VPS13B: variants seen among roughly 807,000 people sequenced by gnomAD.
VPS13B encodes intermembrane lipid transfer protein VPS13B.
In VPS13B, 285 loss-of-function variants were observed where a neutral mutation model predicts 426.4. The observed-to-expected ratio is 0.67, with a 90% CI of 0.61 to 0.74. The LOEUF (loss-of-function observed/expected upper bound fraction) is 0.74, where lower values mean the gene tolerates loss of function less well. VPS13B is among the 30% of genes least tolerant of loss of function. The probability of loss-of-function intolerance (pLI) is 0.00; values close to 1 mark genes in which losing one functional copy is unlikely to be tolerated. For synonymous variants in VPS13B, 1,676 were observed against 1,676.4 expected, an observed-to-expected ratio of 1.00 and a Z score of 0.01; for missense variants, 4,537 against 4,782.6, an observed-to-expected ratio of 0.95 and a Z score of 1.51.
At position 99,753,759 on chromosome 8, in the gene VPS13B, G is replaced by A. The variant is rs537145009; in HGVS notation, c.7051-13015G>A. 5.3e-5 allele frequency among the ~76,000 whole-genome samples: 8 copies of A among 152,242 alleles called. No individual in the cohort carries two copies. In the East Asian group the frequency reaches 1.4e-3, roughly 26 times the overall value. ...TAAAGTCTAAAAAGTATTTCTCAGG[G>A]CTCTTAAATTACCATATTCTGATAC... On this transcript the variant is annotated intron_variant, in intron 39 of 61. Transcript: ENST00000357162.
At chr8:99,712,598 T>G (rs186756897) in intron 36 of VPS13B, among the ~76,000 whole-genome samples, 156 of 152,246 alleles carry the variant, frequency 1.0e-3, no homozygotes, top group African/African-American at 3.6e-3. Context: ...TCTTTAGTGC[T>G]CACCTAAGTC....
chr8:99,380,871 T>A (rs1038579380), intron 19 of VPS13B, among the ~76,000 whole-genome samples: 5 of 151,426 alleles, frequency 3.3e-5, no homozygotes, highest in Admixed American at 3.3e-4. Context: ...AGATACTTTT[T>A]CTTTCTTTTT....
In VPS13B at chr8:99,170,129, C is replaced by A; in HGVS notation, c.2299C>A (p.Leu767Ile). Reference protein sequence around the residue: ...VPVIPSFSTALYGKLLKLPTC... With the variant: ...VPVIPSFSTAIYGKLLKLPTC... ...AGTTATTCCCTCTTTCAGCACTGCT[C>A]TTTATGGGAAACTTCTGAAACTCCC... Residue 767 changes from leucine to isoleucine, a missense_variant, in exon 16 of 62, where the codon CTT (leucine) becomes ATT (isoleucine). Physicochemically the swap from Leu to Ile is conservative, Grantham distance 5. Coordinates refer to ENST00000357162, the MANE Select transcript of VPS13B (RefSeq NM_152564.5). The A allele has an allele frequency of 6.2e-7, 1 of 1,612,852 alleles. No homozygotes were observed.
intron 55 of VPS13B, among the ~76,000 whole-genome samples, chr8:99,851,251 A>C (rs974853125): frequency 5.9e-5 from 9 of 152,206 alleles, no homozygotes; most frequent in African/African-American, 2.2e-4. Flanking sequence ...TCATTCATTC[A>C]ACAAATGTTT....
intron 56 of VPS13B, 23 bp from the exon 57 acceptor site, chr8:99,859,281 C>T (rs1457629966): frequency 1.4e-5 from 22 of 1,612,772 alleles, no homozygotes; most frequent in East Asian, 2.2e-5. Flanking sequence ...TTTCAATCAC[C>T]CCTTCCCTCT....
rs770976748 is a variant in VPS13B, at chr8:99,450,237, A to G, written c.3445+7602A>G. On this transcript the variant is annotated intron_variant, in intron 23 of 61. Coordinates refer to ENST00000357162, the MANE Select transcript of VPS13B (RefSeq NM_152564.5). ...GAAAAAGGATGGTTCCTGAATGTAT[A>G]TATACCTTGATATTGTTTGGGTGCA... Among the ~76,000 whole-genome samples the G allele has an allele frequency of 6.6e-5, 10 of 152,314 alleles. No individual in the cohort carries two copies. The South Asian group carries it at 1.7e-3, about 25-fold the overall frequency.
At chr8:99,694,675 A>G (rs2130123413) in intron 35 of VPS13B, among the ~76,000 whole-genome samples, 1 of 145,116 alleles carries the variant, frequency 6.9e-6, no homozygotes, top group African/African-American at 2.5e-5. Context: ...AGCAATGGCA[A>G]CAAAAGCCAA....
intron 17 of VPS13B, among the ~76,000 whole-genome samples, chr8:99,270,425 C>G (rs1165312042): frequency 6.6e-6 from 1 of 151,728 alleles, no homozygotes; most frequent in Non-Finnish European, 1.5e-5. Context: ...AGGCGTGAGC[C>G]ACCGCGCCTG....
chr8:99,234,071 C>A (rs541231713), intron 17 of VPS13B: 4 of 778,112 alleles, frequency 5.1e-6, no homozygotes, highest in Admixed American at 3.4e-5. Flanking sequence ...TCAGTCTGTC[C>A]GGCCTGAGAA....
intron 33 of VPS13B, among the ~76,000 whole-genome samples, chr8:99,627,437 G>T (rs1225440922): frequency 6.6e-6 from 1 of 151,860 alleles, no homozygotes; most frequent in African/African-American, 2.4e-5. Flanking sequence ...TTTATTTGAG[G>T]TGGAATCTCG....
rs111353525 is a variant in VPS13B at position 99,848,885 on chromosome 8, A to T, written c.10052A>T (p.Asn3351Ile). 495 of 1,613,830 alleles carry T rather than the reference A, an allele frequency of 3.1e-4. 4 individuals carry two copies. In the African/African-American group the frequency reaches 5.6e-3, roughly 18 times the overall value. ...GGAAAAGCAGGACCTATTTTAACCAATACCAACAGGTAGGTTTAATTATTT... is the reference window on the plus strand; with the variant it reads ...GGAAAAGCAGGACCTATTTTAACCATTACCAACAGGTAGGTTTAATTATTT... The part of the protein sequence containing the change: ...PEGKAGPILT[N>I]TNRAPEKIVT... Residue 3351 changes from asparagine to isoleucine, a missense_variant, in exon 55 of 62, where the codon AAT becomes ATT. Physicochemically the swap from Asn to Ile is moderately radical, Grantham distance 149 (BLOSUM62 -3). Coordinates refer to ENST00000357162, the MANE Select transcript of VPS13B (RefSeq NM_152564.5).
At chr8:99,115,355 G>A (rs1847600665) in intron 6 of VPS13B, among the ~76,000 whole-genome samples, 1 of 151,804 alleles carries the variant, frequency 6.6e-6, no homozygotes, top group Admixed American at 6.6e-5. Flanking sequence ...GGATAATACT[G>A]TTATTCTCTT....
rs143865579 is a variant in VPS13B at position 99,152,036 on chromosome 8, C to A, written c.2013+4026C>A. On this transcript the variant is annotated intron_variant, in intron 14 of 61. Transcript: ENST00000357162. Reference sequence around the variant, plus strand: ...TTTCTGTTTTCAATTTCATTGATTTCTGTTTTGATTTTAATTCTTTTCTTC... The same window carrying A: ...TTTCTGTTTTCAATTTCATTGATTTATGTTTTGATTTTAATTCTTTTCTTC... 6.5e-3 allele frequency among the ~76,000 whole-genome samples: 986 copies of A among 152,028 alleles called. 5 individuals carry two copies. Among genetic ancestry groups the A allele is most frequent in the Admixed American group, 0.011 (166 of 15,264 alleles).
chr8:99,343,332 T>A (rs1225290440), intron 19 of VPS13B, among the ~76,000 whole-genome samples: 1 of 152,106 alleles, frequency 6.6e-6, no homozygotes, highest in Non-Finnish European at 1.5e-5. Flanking sequence ...GACCTCATGA[T>A]CCACCCACCT....
chr8:99,507,847 C>T (rs1554824983), intron 28 of VPS13B: 2 of 1,614,058 alleles, frequency 1.2e-6, no homozygotes, highest in African/African-American at 1.3e-5. Flanking sequence ...AACAGACGCA[C>T]CTTGTTGGTT....
chr8:99,121,360 C>T lies in VPS13B; in HGVS notation c.1121C>T (p.Thr374Ile), dbSNP rs753781360. The T allele has an allele frequency of 6.8e-6, 11 of 1,614,148 alleles. No homozygotes were observed. In the East Asian group the frequency reaches 2.2e-4, roughly 33 times the overall value. The change falls in exon 8 of 62, where the codon ACC becomes ATC. Residue 374 changes from threonine (T) to isoleucine (I), a missense_variant. This residue lies in a region of VPS13B where 4,311 missense variants were observed against 4,474.3 expected (regional missense o/e 0.96). Transcript: ENST00000357162. Reference protein sequence around the residue: ...EDFVGNDPASTMHQQKAQTLK... With the variant: ...EDFVGNDPASIMHQQKAQTLK... ...TTTGTTGGGAACGATCCTGCATCAA[C>T]CATGCATCAACAAAAAGCACAGACT...
chr8:99,741,232 A>G (rs1809707449), intron 39 of VPS13B, among the ~76,000 whole-genome samples: 1 of 152,230 alleles, frequency 6.6e-6, no homozygotes, highest in Non-Finnish European at 1.5e-5. Flanking sequence ...AAAGAAGGCC[A>G]TTACATAATG....
At chr8:99,341,771 AC>A in intron 19 of VPS13B, 7 of 384,108 alleles carry the variant, frequency 1.8e-5, no homozygotes, top group South Asian at 4.9e-5. Flanking sequence ...TCTGGGTCAA[AC>A]CCCCAGGCGT....
intron 19 of VPS13B, among the ~76,000 whole-genome samples, chr8:99,381,141 T>C (rs1563698266): frequency 6.6e-6 from 1 of 152,288 alleles, no homozygotes; most frequent in African/African-American, 2.4e-5. Flanking sequence ...CACTAATAAG[T>C]GAGAACATGT....
Sources: gnomAD v4.1 joint callset for allele counts (sites outside exome capture counted in the v4.1 genomes callset) on GRCh38, gnomAD v4.1.1 for gene constraint, gnomAD v4.1.1 regional missense constraint, MANE v1.5 for transcripts, NCBI Gene and HGNC (gene_info 2026-07-23, HGNC 2026-07-21) for gene names.